ADGRL3: variants seen among roughly 807,000 people sequenced by gnomAD.
ADGRL3 encodes adhesion G protein-coupled receptor L3, also known as calcium-independent alpha-latrotoxin receptor 3.
A neutral mutation model predicts 153.5 loss-of-function variants in ADGRL3; 62 were observed. That is an observed-to-expected ratio of 0.40 (90% CI 0.33 to 0.50). The LOEUF (loss-of-function observed/expected upper bound fraction) is 0.50, where lower values mean the gene tolerates loss of function less well. Among genes scored for constraint, ADGRL3 ranks in the 20% least tolerant of loss-of-function variants. The pLI, the probability that ADGRL3 is intolerant of heterozygous loss-of-function variation, is 0.47. For missense variants in ADGRL3, 1,641 were observed against 1,859.4 expected, an observed-to-expected ratio of 0.88 and a Z score of 2.16; for synonymous variants, 710 against 672.5, an observed-to-expected ratio of 1.06 and a Z score of -0.86.
chr4:61,935,964 G>C lies in ADGRL3; in HGVS notation c.2338G>C (p.Asp780His). Residue 780 changes from aspartate to histidine, a missense_variant, in exon 15 of 27, where the codon GAC becomes CAC. Physicochemically the swap from Asp to His is moderately conservative, Grantham distance 81. This residue lies in a region of ADGRL3 where 734 missense variants were observed against 797.0 expected (regional missense o/e 0.92). Coordinates refer to ENST00000683033, the MANE Select transcript of ADGRL3 (RefSeq NM_001387552.1). ...ACTGAGCACAGAAGGAAACTTAGAA[G>C]ACCTAAAATTTCCAGAAAACATGGG... ...ARLSTEGNLE[D>H]LKFPENMGHG... The C allele has an allele frequency of 6.2e-7, 1 of 1,601,984 alleles. No individual in the cohort carries two copies. The highest frequency in any genetic ancestry group is 8.5e-7 in the Non-Finnish European group (1 of 1,173,610).
chr4:61,575,695 A>G (rs1162451661), intron 4 of ADGRL3, among the ~76,000 whole-genome samples: 4 of 152,052 alleles, frequency 2.6e-5, no homozygotes, highest in Non-Finnish European at 5.9e-5. Context: ...AAGGGTTGAT[A>G]TTTATCAGTC....
chr4:61,418,830 G>C (rs185124343), intron 2 of ADGRL3, among the ~76,000 whole-genome samples: 4 of 150,614 alleles, frequency 2.7e-5, no homozygotes, highest in African/African-American at 7.4e-5. Context: ...TTTAAGAAGA[G>C]GTACTCAGTT....
At chr4:61,664,401 AAGG>A (rs552077990) in intron 5 of ADGRL3, among the ~76,000 whole-genome samples, 254 of 152,344 alleles carry the variant, frequency 1.7e-3, no homozygotes, top group African/African-American at 5.8e-3. Flanking sequence ...TTAATAAAAA[AAGG>A]AGAAAAAGTA....
In ADGRL3 at chr4:61,622,545, TAAG is replaced by T. The variant is rs376972833; in HGVS notation, c.473+35112_473+35114del. Among the ~76,000 whole-genome samples the T allele has an allele frequency of 8.0e-4, 121 of 151,796 alleles. 1 individual carries two copies. In the East Asian group the frequency reaches 0.015, roughly 19 times the overall value. On this transcript the variant is annotated intron_variant, in intron 5 of 26. Transcript: ENST00000683033. ...ATAATTAAAGTAAAAATCATAATGA[TAAG>T]AAGAAGGAGGAGGAAGAAGAAGAGA...
At chr4:61,714,946 T>C (rs2096076230) in intron 6 of ADGRL3, among the ~76,000 whole-genome samples, 1 of 152,206 alleles carries the variant, frequency 6.6e-6, no homozygotes, top group Non-Finnish European at 1.5e-5. Context: ...TTTGATCATT[T>C]TATGTTTGAG....
intron 4 of ADGRL3, among the ~76,000 whole-genome samples, chr4:61,522,278 A>G (rs1346016881): frequency 2.6e-5 from 4 of 152,176 alleles, no homozygotes; most frequent in African/African-American, 9.7e-5. Context: ...GTAAAATAAT[A>G]ACAAAGAGTA....
chr4:61,664,492 T>C (rs1211796360), intron 5 of ADGRL3, among the ~76,000 whole-genome samples: 2 of 152,216 alleles, frequency 1.3e-5, no homozygotes, highest in Non-Finnish European at 2.9e-5. Context: ...TGCCATTCTC[T>C]ACCTTTATAC....
intron 4 of ADGRL3, among the ~76,000 whole-genome samples, chr4:61,555,569 T>C (rs1210927157): frequency 6.6e-6 from 1 of 152,076 alleles, no homozygotes; most frequent in Admixed American, 6.6e-5. Context: ...CCTGCCCTCA[T>C]GGGAAGGCAT....
At chr4:61,546,335 C>A (rs957504475) in intron 4 of ADGRL3, among the ~76,000 whole-genome samples, 3 of 152,172 alleles carry the variant, frequency 2.0e-5, no homozygotes, top group Non-Finnish European at 4.4e-5. Context: ...CTCATGCTGG[C>A]TTGCACTGAC....
At chr4:61,474,442 TAGG>T (rs2098016775) in intron 2 of ADGRL3, among the ~76,000 whole-genome samples, 1 of 152,132 alleles carries the variant, frequency 6.6e-6, no homozygotes, top group Non-Finnish European at 1.5e-5. Context: ...ATACTGCTTG[TAGG>T]ACACTGAGGT....
chr4:61,745,921 G>T (rs983494359), intron 8 of ADGRL3, among the ~76,000 whole-genome samples: 5 of 152,140 alleles, frequency 3.3e-5, no homozygotes, highest in Admixed American at 3.3e-4. Flanking sequence ...TGGCAAATTG[G>T]ATAAAGAGTC....
chr4:61,335,864 T>G (rs753337247), intron 1 of ADGRL3, among the ~76,000 whole-genome samples: 1 of 152,206 alleles, frequency 6.6e-6, no homozygotes, highest in Non-Finnish European at 1.5e-5. Flanking sequence ...TAAGTGACTT[T>G]TGTTTTGAAA....
intron 1 of ADGRL3, among the ~76,000 whole-genome samples, chr4:61,218,287 CATTT>C (rs1458410637): frequency 2.0e-5 from 3 of 149,450 alleles, no homozygotes; most frequent in Non-Finnish European, 4.4e-5. Flanking sequence ...CGTTTTCATT[CATTT>C]ATCAAGAAAT....
chr4:61,823,549 C>A (rs1025405492), intron 9 of ADGRL3, among the ~76,000 whole-genome samples: 1 of 152,118 alleles, frequency 6.6e-6, no homozygotes, highest in South Asian at 2.1e-4. Context: ...TTTCATTAAT[C>A]TCCCAAATAT....
At chr4:62,046,445 C>T (rs962538130) in intron 25 of ADGRL3, among the ~76,000 whole-genome samples, 6 of 151,796 alleles carry the variant, frequency 4.0e-5, no homozygotes, top group Non-Finnish European at 8.8e-5. Context: ...AGAATTTAAT[C>T]AACTTTGAAT....
chr4:62,064,813 A>G (rs1257093707), intron 25 of ADGRL3, among the ~76,000 whole-genome samples: 1 of 152,050 alleles, frequency 6.6e-6, no homozygotes, highest in Non-Finnish European at 1.5e-5. Flanking sequence ...CTTCCCCAGG[A>G]GGCATCTTGC....
At chr4:61,521,117 T>C (rs1018728925) in intron 4 of ADGRL3, among the ~76,000 whole-genome samples, 9 of 152,054 alleles carry the variant, frequency 5.9e-5, no homozygotes, top group African/African-American at 2.2e-4. Flanking sequence ...GGAATACCTA[T>C]TATAGGGGTG....
intron 21 of ADGRL3, among the ~76,000 whole-genome samples, chr4:62,025,240 G>A (rs1362535233): frequency 1.3e-5 from 2 of 152,046 alleles, no homozygotes; most frequent in Non-Finnish European, 2.9e-5. Flanking sequence ...GATATACATT[G>A]TAATGTTGCC....
intron 1 of ADGRL3, among the ~76,000 whole-genome samples, chr4:61,235,512 TC>T (rs954497241): frequency 2.6e-5 from 4 of 152,112 alleles, no homozygotes; most frequent in African/African-American, 9.7e-5. Context: ...AAAGTACAAA[TC>T]CCGTAAACAA....
Sources: allele counts gnomAD v4.1 joint callset (sites outside exome capture counted in the v4.1 genomes callset), GRCh38; gene constraint gnomAD v4.1.1; regional missense constraint gnomAD v4.1.1; transcripts MANE v1.5; gene names NCBI Gene and HGNC (gene_info 2026-07-23, HGNC 2026-07-21).